Variants in NYAP2 observed in about 807,000 individuals in gnomAD.
NYAP2 encodes the protein neuronal tyrosine-phosphorylated phosphoinositide-3-kinase adaptor 2, also known as neuronal tyrosine-phosphorylated phosphoinositide-3-kinase adapter 2.
Under a neutral mutation model 50.4 loss-of-function variants are expected in NYAP2, and 23 were observed. The observed-to-expected ratio is 0.46, with a 90% CI of 0.33 to 0.65. The LOEUF (loss-of-function observed/expected upper bound fraction) is 0.65, where lower values mean the gene tolerates loss of function less well. NYAP2 is among the 30% of genes least tolerant of loss of function. The pLI is 0.02. For synonymous variants in NYAP2, 394 were observed against 365.2 expected (o/e 1.08, Z -0.90); for missense variants, 885 against 861.0 (o/e 1.03, Z -0.35).
At chr2:225,678,631 G>A in the NYAP2 span, among the ~76,000 whole-genome samples, 2 of 152,122 alleles carry the variant, frequency 1.3e-5, no homozygotes, top group Admixed American at 6.6e-5. Flanking sequence ...TTTTATTAAA[G>A]AGAGTAAAAA....
At chr2:225,655,936 A>ACACACACG (rs1693818114), downstream of NYAP2, among the ~76,000 whole-genome samples, 1 of 147,360 alleles carries the variant, frequency 6.8e-6, no homozygotes, top group Non-Finnish European at 1.5e-5. Context: ...ACATACACAC[A>ACACACACG]TACACACACA....
chr2:225,626,737 A>G (rs1221115824), intron 5 of NYAP2, among the ~76,000 whole-genome samples, 180 bp from the exon 6 acceptor site: 1 of 152,246 alleles, frequency 6.6e-6, no homozygotes, highest in African/African-American at 2.4e-5. Flanking sequence ...TAGCCTACAC[A>G]ACTCAGAAAA....
At chr2:225,505,123 TG>T (rs1690682764) in intron 3 of NYAP2, among the ~76,000 whole-genome samples, 1 of 152,228 alleles carries the variant, frequency 6.6e-6, no homozygotes, top group South Asian at 2.1e-4. Flanking sequence ...CATTTTATTT[TG>T]TTTTTCTATA....
At chr2:225,649,855 T>C (rs185163798) in intron 6 of NYAP2, among the ~76,000 whole-genome samples, 5 of 152,344 alleles carry the variant, frequency 3.3e-5, no homozygotes, top group Admixed American at 3.3e-4. Flanking sequence ...ACTTGAATAA[T>C]GAAAACAATT....
At chr2:225,523,731 C>T (rs1039151788) in intron 4 of NYAP2, among the ~76,000 whole-genome samples, 1 of 151,706 alleles carries the variant, frequency 6.6e-6, no homozygotes, top group African/African-American at 2.4e-5. Flanking sequence ...CACATGAAAC[C>T]AAAAAAACAA....
intron 5 of NYAP2, among the ~76,000 whole-genome samples, chr2:225,610,144 C>T (rs1035503168): frequency 7.0e-4 from 107 of 152,216 alleles, no homozygotes; most frequent in African/African-American, 1.9e-3. Flanking sequence ...ATTTCATGTA[C>T]GGTTGGTATG....
intron 3 of NYAP2, among the ~76,000 whole-genome samples, chr2:225,411,292 G>C (rs888573772): frequency 2.6e-5 from 4 of 152,056 alleles, no homozygotes; most frequent in Non-Finnish European, 5.9e-5. Context: ...ATTAGAGGTG[G>C]CCCTCAGGTT....
intron 4 of NYAP2, among the ~76,000 whole-genome samples, chr2:225,544,728 C>A (rs1449013871): frequency 1.3e-5 from 2 of 152,052 alleles, no homozygotes; most frequent in Non-Finnish European, 2.9e-5. Context: ...ACCACAATTA[C>A]AGAGTTATAA....
chr2:225,651,367 A>C (rs570129353), intron 6 of NYAP2, 65 bp from the exon 7 acceptor site: 1 of 1,603,274 alleles, frequency 6.2e-7, no homozygotes, highest in Non-Finnish European at 8.5e-7. Flanking sequence ...AGAAAGACTG[A>C]AAAGCCACTT....
intron 6 of NYAP2, among the ~76,000 whole-genome samples, chr2:225,650,577 A>G (rs1233148081): frequency 6.6e-6 from 1 of 152,236 alleles, no homozygotes; most frequent in Non-Finnish European, 1.5e-5. Context: ...GAGAGTTCTT[A>G]GGATTAGAGA....
chr2:225,578,482 A>T (rs190602359), intron 4 of NYAP2, among the ~76,000 whole-genome samples: 35 of 152,278 alleles, frequency 2.3e-4, no homozygotes, highest in Non-Finnish European at 2.9e-5. Flanking sequence ...AACAAACAGC[A>T]AACATCCAGA....
At position 225,582,239 on chromosome 2, in the gene NYAP2, T is replaced by G. The variant is rs369746874; in HGVS notation, c.822T>G (p.Pro274=). 43 of 1,613,906 alleles carry G rather than the reference T, an allele frequency of 2.7e-5. No individual in the cohort carries two copies. The highest frequency in any genetic ancestry group is 3.6e-5 in the Non-Finnish European group (42 of 1,179,904). Residue 274 remains proline, a synonymous_variant, in exon 5 of 7, where the codon CCT becomes CCG. Coordinates refer to ENST00000636099, the Ensembl canonical transcript of NYAP2. This position sits in a 1 kb window ranked among gnomAD's most constrained non-coding sequence, Gnocchi z 7.0. ...CCGTCTACGAGGAAATGAAGTACCC[T>G]ATCTTTGACGACTTGGGCCAAGACG...
At chr2:225,490,779 A>G (rs1351219774) in intron 3 of NYAP2, among the ~76,000 whole-genome samples, 1 of 152,184 alleles carries the variant, frequency 6.6e-6, no homozygotes, top group African/African-American at 2.4e-5. Flanking sequence ...CTTTTCTCCA[A>G]TGCAGAGTTG....
rs1354668674 is a variant in NYAP2 at position 225,518,688 on chromosome 2, A to G, written c.523+5016A>G. 2.0e-5 allele frequency among the ~76,000 whole-genome samples: 3 copies of G among 147,346 alleles called. No individual in the cohort carries two copies. The East Asian group carries it at 5.9e-4, about 29-fold the overall frequency. Reference sequence around the variant, plus strand: ...CAATGTATACATATTTCAAAATAACATATTATACATGGCAAATATACACAA... The same window carrying G: ...CAATGTATACATATTTCAAAATAACGTATTATACATGGCAAATATACACAA... On this transcript the variant is annotated intron_variant, in intron 4 of 6. Coordinates refer to ENST00000636099, the Ensembl canonical transcript of NYAP2.
At chr2:225,411,459 T>G (rs1321112507) in intron 3 of NYAP2, among the ~76,000 whole-genome samples, 1 of 152,136 alleles carries the variant, frequency 6.6e-6, no homozygotes, top group Non-Finnish European at 1.5e-5. Flanking sequence ...TTATGAAGCC[T>G]TTTAAATGTC....
chr2:225,579,011 G>C lies in NYAP2; in HGVS notation c.524-2930G>C, dbSNP rs150710808. Among the ~76,000 whole-genome samples, 104 of 152,068 alleles carry C rather than the reference G, an allele frequency of 6.8e-4. No homozygotes were observed. The East Asian group carries it at 0.018, about 27-fold the overall frequency. On this transcript the variant is annotated intron_variant, in intron 4 of 6. Transcript: ENST00000636099. ...CTGATTAGACTGATGCTTTCTCTCT[G>C]TTCTCATACGGCATGCACGTGCACG...
At chr2:225,598,131 T>A (rs990994912) in intron 5 of NYAP2, among the ~76,000 whole-genome samples, 5 of 152,090 alleles carry the variant, frequency 3.3e-5, no homozygotes, top group African/African-American at 1.2e-4. Context: ...GGCCTTCACA[T>A]ACGATGCAGT....
intron 2 of NYAP2, among the ~76,000 whole-genome samples, chr2:225,406,569 A>G (rs1039270461): frequency 9.2e-5 from 14 of 151,988 alleles, no homozygotes; most frequent in African/African-American, 3.4e-4. Context: ...TACTTGAAAA[A>G]AAAGAATGGT....
chr2:225,702,241 T>C, the NYAP2 span: 1 of 151,798 alleles, frequency 6.6e-6, no homozygotes, highest in Non-Finnish European at 1.5e-5. Flanking sequence ...CATTTAACAT[T>C]ATGTCACTAC....
Sources: gnomAD v4.1 joint callset for allele counts (sites outside exome capture counted in the v4.1 genomes callset) on GRCh38, gnomAD v4.1.1 for gene constraint, Gnocchi (gnomAD v3.1) non-coding constraint, MANE v1.5 for transcripts, NCBI Gene and HGNC (gene_info 2026-07-23, HGNC 2026-07-21) for gene names.